The following GPC6 variants were observed in gnomAD, a reference collection of about 807,000 sequenced individuals.
GPC6 encodes glypican-6.
Under a neutral mutation model 55.2 loss-of-function variants are expected in GPC6, and 14 were observed. The observed-to-expected ratio is 0.25, with a 90% CI of 0.17 to 0.40. GPC6 has a LOEUF of 0.40. Ranked by LOEUF, GPC6 falls within the 10% of genes least tolerant of loss-of-function variation. GPC6 has a pLI of 1.00. For synonymous variants in GPC6, 278 were observed against 259.6 expected (o/e 1.07, Z -0.68); for missense variants, 641 against 708.5 (o/e 0.90, Z 1.08).
intron 1 of GPC6, among the ~76,000 whole-genome samples, chr13:93,537,550 G>A (rs1475754138): frequency 2.9e-5 from 3 of 102,912 alleles, no homozygotes; most frequent in African/African-American, 1.4e-4. Flanking sequence ...GTGTTTACAC[G>A]TGGAGCTTTT....
chr13:93,456,260 T>C (rs1878449541), intron 1 of GPC6, among the ~76,000 whole-genome samples: 1 of 152,176 alleles, frequency 6.6e-6, no homozygotes, highest in Non-Finnish European at 1.5e-5. Flanking sequence ...CATGTAAATA[T>C]GAAAATGGCC....
chr13:94,127,123 A>G (rs1183445008), intron 4 of GPC6, among the ~76,000 whole-genome samples: 3 of 152,078 alleles, frequency 2.0e-5, no homozygotes, highest in African/African-American at 7.2e-5. Context: ...AGAAACTCCA[A>G]TATGTATCAT....
intron 2 of GPC6, among the ~76,000 whole-genome samples, chr13:93,721,814 A>G (rs1242577045): frequency 6.6e-6 from 1 of 151,760 alleles, no homozygotes; most frequent in Non-Finnish European, 1.5e-5. Context: ...CTGTCTAATA[A>G]TATTGATCAT....
chr13:94,168,537 G>A (rs555074792), intron 4 of GPC6, among the ~76,000 whole-genome samples: 42 of 151,886 alleles, frequency 2.8e-4, no homozygotes, highest in Middle Eastern at 3.4e-3. Flanking sequence ...AAATCTTTTC[G>A]GGCCAGAGCC....
At chr13:93,915,590 A>G (rs1369893536) in intron 3 of GPC6, among the ~76,000 whole-genome samples, 1 of 152,182 alleles carries the variant, frequency 6.6e-6, no homozygotes, top group African/African-American at 2.4e-5. Flanking sequence ...ACTGGAAAAA[A>G]TTCTCTGTGA....
At chr13:94,201,863 C>T (rs1053699118) in intron 4 of GPC6, among the ~76,000 whole-genome samples, 13 of 152,156 alleles carry the variant, frequency 8.5e-5, no homozygotes, top group South Asian at 8.3e-4. Context: ...GCAGAAGAAT[C>T]GCTTGAACCT....
chr13:94,149,115 C>A (rs546974924), intron 4 of GPC6, among the ~76,000 whole-genome samples: 1 of 152,272 alleles, frequency 6.6e-6, no homozygotes, highest in African/African-American at 2.4e-5. Flanking sequence ...TGCCTGATTT[C>A]TCACATTTTT....
intron 2 of GPC6, among the ~76,000 whole-genome samples, chr13:93,817,912 T>C (rs927756007): frequency 1.3e-5 from 2 of 148,912 alleles, no homozygotes; most frequent in South Asian, 4.2e-4. Context: ...TTATAAAAAT[T>C]ATACCTATAA....
At chr13:93,595,621 G>C (rs187957598) in intron 2 of GPC6, among the ~76,000 whole-genome samples, 33 of 152,226 alleles carry the variant, frequency 2.2e-4, no homozygotes, top group Middle Eastern at 3.4e-3. Flanking sequence ...TCATTGTCCT[G>C]TGTCTCATTC....
intron 3 of GPC6, among the ~76,000 whole-genome samples, chr13:93,874,779 C>G (rs927432304): frequency 2.0e-5 from 3 of 151,784 alleles, no homozygotes; most frequent in African/African-American, 7.3e-5. Flanking sequence ...CTTCATATCT[C>G]CTAGTACCTG....
intron 1 of GPC6, among the ~76,000 whole-genome samples, chr13:93,532,823 T>C (rs1017030855): frequency 6.6e-6 from 1 of 152,164 alleles, no homozygotes; most frequent in Non-Finnish European, 1.5e-5. Flanking sequence ...TGCATAACCA[T>C]TGGACCTGAT....
intron 4 of GPC6, among the ~76,000 whole-genome samples, chr13:94,080,129 T>A (rs1283721949): frequency 6.6e-6 from 1 of 152,176 alleles, no homozygotes; most frequent in African/African-American, 2.4e-5. Context: ...GACCAGTCAT[T>A]TGAGATTCAT....
chr13:93,655,731 G>C (rs1035970603), intron 2 of GPC6, among the ~76,000 whole-genome samples: 1 of 152,082 alleles, frequency 6.6e-6, no homozygotes, highest in African/African-American at 2.4e-5. Flanking sequence ...GCTAACACCT[G>C]CCACAAGTAG....
intron 1 of GPC6, among the ~76,000 whole-genome samples, chr13:93,505,983 C>T (rs1049716617): frequency 2.6e-5 from 4 of 152,108 alleles, no homozygotes; most frequent in African/African-American, 9.7e-5. Context: ...GGGCTATGTG[C>T]GTTTTTCTAC....
At chr13:94,299,257 C>A (rs1875512382) in intron 5 of GPC6, among the ~76,000 whole-genome samples, 1 of 152,210 alleles carries the variant, frequency 6.6e-6, no homozygotes, top group Non-Finnish European at 1.5e-5. Context: ...CATTATACCT[C>A]ATGTTTTCAG....
At chr13:94,367,362 G>A (rs992905385) in intron 6 of GPC6, among the ~76,000 whole-genome samples, 1 of 152,190 alleles carries the variant, frequency 6.6e-6, no homozygotes, top group Non-Finnish European at 1.5e-5. Context: ...GAATTCAATA[G>A]ATATTAGTTC....
intron 3 of GPC6, among the ~76,000 whole-genome samples, chr13:93,863,657 A>G (rs1221612596): frequency 1.3e-5 from 2 of 151,686 alleles, no homozygotes; most frequent in East Asian, 2.0e-4. Flanking sequence ...ACTCCAGTTC[A>G]TGGTGACATC....
intron 4 of GPC6, among the ~76,000 whole-genome samples, chr13:94,103,335 C>T (rs540143080): frequency 5.9e-5 from 9 of 152,150 alleles, no homozygotes; most frequent in Middle Eastern, 3.4e-3. Context: ...TGAATAGCCC[C>T]GCAGTACAAA....
intron 2 of GPC6, among the ~76,000 whole-genome samples, chr13:93,556,373 AGT>A (rs56706276): frequency 0.065 from 8,702 of 133,526 alleles, 434 homozygotes; most frequent in East Asian, 0.22. Flanking sequence ...GTGGGTAAAT[AGT>A]GTGTGTGTGT....
Sources: gnomAD v4.1 joint callset for allele counts (sites outside exome capture counted in the v4.1 genomes callset) on GRCh38, gnomAD v4.1.1 for gene constraint, MANE v1.5 for transcripts, NCBI Gene and HGNC (gene_info 2026-07-23, HGNC 2026-07-21) for gene names.